GALNT10: variants seen among roughly 807,000 people sequenced by gnomAD.
The protein encoded by GALNT10 is polypeptide N-acetylgalactosaminyltransferase 10.
GALNT10 carries 41 observed loss-of-function variants against 75.0 expected under a neutral mutation model. The observed-to-expected ratio is 0.55, with a 90% CI of 0.43 to 0.71. GALNT10 has a LOEUF of 0.71. Among genes scored for constraint, GALNT10 ranks in the 30% least tolerant of loss-of-function variants. GALNT10 has a pLI of 0.00. For synonymous variants in GALNT10, 302 were observed against 313.0 expected (o/e 0.96, Z 0.37); for missense variants, 727 against 818.5 (o/e 0.89, Z 1.36).
rs1170828936 is a variant in GALNT10 at position 154,190,835 on chromosome 5, CCGGCGGGGCG to C, written c.-22_-13del. On this transcript the variant is annotated 5_prime_UTR_variant, in exon 1 of 12. Coordinates refer to ENST00000297107, the MANE Select transcript of GALNT10 (RefSeq NM_198321.4). ...CGGAGCTGGGGGCGGCGCGGCGGGG[CCGGCGGGGCG>C]CGGCGGGGCTGACCGGCCCCGATGA... is the stretch of plus-strand genomic sequence containing the variant. The C allele has an allele frequency of 5.3e-6, 6 of 1,132,088 alleles. No individual in the cohort carries two copies. In the Admixed American group the frequency reaches 2.0e-4, roughly 37 times the overall value. The allele number at this position is 1,132,088 out of a possible 1,614,324, so 70.1% of individuals were successfully genotyped here. A position where few individuals can be genotyped will look rare whatever the true frequency, so the allele number is the denominator to read the frequency against.
chr5:154,388,271 C>T (rs1484872529), intron 7 of GALNT10: 2 of 152,162 alleles, frequency 1.3e-5, no homozygotes, highest in Non-Finnish European at 2.9e-5. Flanking sequence ...AATTAATATT[C>T]ACATAAGGGT....
intron 1 of GALNT10, among the ~76,000 whole-genome samples, chr5:154,208,072 G>A (rs1299536467): frequency 6.6e-6 from 1 of 152,196 alleles, no homozygotes; most frequent in Non-Finnish European, 1.5e-5. Flanking sequence ...TCCTGACCTG[G>A]AAGGCTCAGC....
At chr5:154,263,545 C>G (rs1287151365) in intron 1 of GALNT10, among the ~76,000 whole-genome samples, 1 of 152,102 alleles carries the variant, frequency 6.6e-6, no homozygotes, top group Admixed American at 6.6e-5. Context: ...ACTGCTATAT[C>G]AAAAGACCAC....
At position 154,198,719 on chromosome 5, in the gene GALNT10, G is replaced by C. The variant is rs528326847; in HGVS notation, c.159+7694G>C. Among the ~76,000 whole-genome samples, 251 of 152,270 alleles carry C rather than the reference G, an allele frequency of 1.6e-3. 3 individuals are homozygous for C. The highest frequency in any genetic ancestry group is 2.4e-3 in the Non-Finnish European group (164 of 68,028). On this transcript the variant is annotated intron_variant, in intron 1 of 11. Transcript: ENST00000297107. ...TGTATCCTTCTAGATTCAGCTCATA[G>C]CCTGCTGCCTCCAGGAAGTGTTCTT...
At chr5:154,313,995 A>G (rs773281661) in intron 3 of GALNT10, among the ~76,000 whole-genome samples, 3 of 152,056 alleles carry the variant, frequency 2.0e-5, no homozygotes, top group Non-Finnish European at 2.9e-5. Flanking sequence ...GTTATATTTT[A>G]AGGGACTGTC....
At chr5:154,358,475 A>G (rs907800210) in intron 4 of GALNT10, among the ~76,000 whole-genome samples, 1 of 152,184 alleles carries the variant, frequency 6.6e-6, no homozygotes, top group Non-Finnish European at 1.5e-5. Flanking sequence ...CACTTTGCAG[A>G]TAAGGAAACT....
intron 1 of GALNT10, among the ~76,000 whole-genome samples, chr5:154,292,111 G>T (rs757890445): frequency 6.6e-6 from 1 of 152,226 alleles, no homozygotes; most frequent in Non-Finnish European, 1.5e-5. Context: ...TGGCCCACGG[G>T]CCTCAGGGTT....
chr5:154,287,138 A>C (rs1754123258), intron 1 of GALNT10, among the ~76,000 whole-genome samples: 2 of 152,232 alleles, frequency 1.3e-5, no homozygotes, highest in South Asian at 4.1e-4. Context: ...AGATTAATTG[A>C]AAGTGGAAAG....
chr5:154,380,545 G>A lies in GALNT10; in HGVS notation c.852G>A (p.Met284Ile). ...FRYETQAGDA[M>I]RGAFDWEMYY... ...ACGAGACACAGGCAGGGGATGCCAT[G>A]CGGGGAGCCTTTGACTGGGAGATGT... Residue 284 changes from methionine (M) to isoleucine (I), a missense_variant, in exon 6 of 12, where the codon ATG becomes ATA. Physicochemically the swap from Met to Ile is conservative, Grantham distance 10 (BLOSUM62 1). Coordinates refer to ENST00000297107, the MANE Select transcript of GALNT10 (RefSeq NM_198321.4). 1 of 1,613,946 alleles carries A rather than the reference G, an allele frequency of 6.2e-7. No individual in the cohort carries two copies. Among genetic ancestry groups the A allele is most frequent in the Non-Finnish European group, 8.5e-7 (1 of 1,179,850 alleles).
intron 1 of GALNT10, among the ~76,000 whole-genome samples, chr5:154,265,508 A>G (rs1440022821): frequency 6.6e-6 from 1 of 152,212 alleles, no homozygotes. Context: ...CAGATTTGCT[A>G]TGAATTTATA....
At chr5:154,338,235 C>T (rs1306842065) in intron 4 of GALNT10, 9 of 733,906 alleles carry the variant, frequency 1.2e-5, no homozygotes, top group East Asian at 5.0e-5. Context: ...ATCTTCTCCA[C>T]GGTGGCATAG....
intron 10 of GALNT10, among the ~76,000 whole-genome samples, chr5:154,413,911 A>G (rs1218877318): frequency 2.6e-5 from 4 of 152,354 alleles, no homozygotes; most frequent in Non-Finnish European, 1.5e-5. Flanking sequence ...AAGGACTTGT[A>G]TCTAGAATAT....
intron 1 of GALNT10, among the ~76,000 whole-genome samples, chr5:154,248,959 A>G (rs921546439): frequency 2.0e-5 from 3 of 152,228 alleles, no homozygotes; most frequent in African/African-American, 7.2e-5. Context: ...TGGAATGTCT[A>G]TGGAGATACT....
In GALNT10 at chr5:154,293,959, A is replaced by T. The variant is rs374483301; in HGVS notation, c.160-857A>T. Among the ~76,000 whole-genome samples, 7 of 152,306 alleles carry T rather than the reference A, an allele frequency of 4.6e-5. No homozygotes were observed. The South Asian group carries it at 1.4e-3, about 32-fold the overall frequency. The stretch of plus-strand genomic sequence containing the variant: ...TCTGAGCCCCTGCCCTATCCAAGCC[A>T]CATGCAACTGTTGAGCATTTGAAAT... On this transcript the variant is annotated intron_variant, in intron 1 of 11. Transcript: ENST00000297107.
intron 2 of GALNT10, among the ~76,000 whole-genome samples, chr5:154,295,718 A>T (rs1394694594): frequency 2.0e-5 from 3 of 152,134 alleles, no homozygotes; most frequent in Non-Finnish European, 4.4e-5. Context: ...TAATCAATAG[A>T]TAAAGTCCAT....
rs1004424762 is a variant in GALNT10, at chr5:154,403,976, C to T, written c.1057-128C>T. 4 of 771,124 alleles carry T rather than the reference C, an allele frequency of 5.2e-6. No individual in the cohort carries two copies. In the Admixed American group the frequency reaches 7.5e-5, roughly 14 times the overall value. 47.8% of individuals were successfully genotyped at this position (771,124 alleles called of 1,614,324 possible). On this transcript the variant is annotated intron_variant, in intron 7 of 11. Coordinates refer to ENST00000297107, the MANE Select transcript of GALNT10 (RefSeq NM_198321.4). Reference sequence around the variant, plus strand: ...ACTGTGTTTTCCCATGTCATTAGGTCTGTGATCCAGGCTTCAGCAGACAAT... The same window carrying T: ...ACTGTGTTTTCCCATGTCATTAGGTTTGTGATCCAGGCTTCAGCAGACAAT...
At chr5:154,268,366 T>C (rs1011138871) in intron 1 of GALNT10, among the ~76,000 whole-genome samples, 2 of 152,050 alleles carry the variant, frequency 1.3e-5, no homozygotes, top group South Asian at 2.1e-4. Context: ...ACTCCCTGGG[T>C]TGGCTAAAGA....
intron 4 of GALNT10, among the ~76,000 whole-genome samples, chr5:154,354,797 G>C (rs1755262562): frequency 6.6e-6 from 1 of 152,142 alleles, no homozygotes; most frequent in South Asian, 2.1e-4. Flanking sequence ...TGCTTTACTG[G>C]GTGGGAGAAA....
At chr5:154,199,193 G>A (rs937147313) in intron 1 of GALNT10, among the ~76,000 whole-genome samples, 4 of 152,186 alleles carry the variant, frequency 2.6e-5, no homozygotes, top group Non-Finnish European at 5.9e-5. Context: ...TAGGGAGCCT[G>A]TTAAGGATGG....
Sources: gnomAD v4.1 joint callset for allele counts (sites outside exome capture counted in the v4.1 genomes callset) on GRCh38, gnomAD v4.1.1 for gene constraint, MANE v1.5 for transcripts, NCBI Gene and HGNC (gene_info 2026-07-23, HGNC 2026-07-21) for gene names.